The following CCDC57 variants were observed in gnomAD, a reference collection of about 807,000 sequenced individuals.
CCDC57 encodes the protein coiled-coil domain containing 57.
CCDC57 carries 118 observed loss-of-function variants against 118.9 expected under a neutral mutation model. That is an observed-to-expected ratio of 0.99 (90% CI 0.86 to 1.16). The LOEUF is 1.16. CCDC57 is among the 50% of genes most tolerant of loss of function. The pLI, the probability that CCDC57 is intolerant of heterozygous loss-of-function variation, is 0.00. For synonymous variants in CCDC57, 527 were observed against 532.9 expected (o/e 0.99, Z 0.15); for missense variants, 1,300 against 1,320.7 (o/e 0.98, Z 0.24).
chr17:82,157,808 TC>T lies in CCDC57; in HGVS notation c.2180del (p.Gly727GlufsTer60). The T allele has an allele frequency of 1.2e-6, 2 of 1,605,072 alleles. No homozygotes were observed. Among genetic ancestry groups the T allele is most frequent in the South Asian group, 1.1e-5 (1 of 89,198 alleles). On this transcript the variant is annotated frameshift_variant, in exon 15 of 20. Coordinates refer to ENST00000665763, the Ensembl canonical transcript of CCDC57. LOFTEE classifies it high-confidence loss of function. The stretch of plus-strand genomic sequence containing the variant: ...GCTGCTTCCTGCCTGAAGGCTCCGC[TC>T]CCCCGTGCTGGGCTATCCTGAGATG...
At chr17:82,123,964 T>C (rs1320607966) in intron 19 of CCDC57, among the ~76,000 whole-genome samples, 1 of 143,710 alleles carries the variant, frequency 7.0e-6, no homozygotes, top group Non-Finnish European at 1.5e-5. Flanking sequence ...TCCACTATCC[T>C]TGTAAATCAT....
In CCDC57 at chr17:82,184,029, G is replaced by GCACACACACA. The variant is rs1216297514; in HGVS notation, c.1053-98_1053-97insTGTGTGTGTG. On this transcript the variant is annotated intron_variant, in intron 8 of 19. Coordinates refer to ENST00000665763, the Ensembl canonical transcript of CCDC57. ...AGCAAATACACATGCGCGCGCGCGC[G>GCACACACACA]CGCACACACACACACACACACACAC... 420 of 238,710 alleles carry GCACACACACA rather than the reference G, an allele frequency of 1.8e-3. 1 individual carries two copies. Among genetic ancestry groups the GCACACACACA allele is most frequent in the East Asian group, 9.6e-3 (83 of 8,678 alleles). The allele number at this position is 238,710 out of a possible 1,614,324, so 14.8% of individuals were successfully genotyped here.
intron 13 of CCDC57, among the ~76,000 whole-genome samples, chr17:82,167,376 T>C (rs1194160038): frequency 8.8e-6 from 1 of 113,334 alleles, no homozygotes; most frequent in Non-Finnish European, 1.8e-5. Context: ...TTGAGATGGA[T>C]TTTTGCTCTT....
rs946486457 is a variant in CCDC57, at chr17:82,193,981, C to A, written c.776+1G>T. Reference sequence around the variant, plus strand: ...CCTCGGGAGATGAAGGACTCGCGCACCGGGCGCGGCTCATGGCCTCCAGGT... The same window carrying A: ...CCTCGGGAGATGAAGGACTCGCGCAACGGGCGCGGCTCATGGCCTCCAGGT... On this transcript the variant is annotated splice_donor_variant, in intron 6 of 19. Coordinates refer to ENST00000665763, the Ensembl canonical transcript of CCDC57. LOFTEE classifies it high-confidence loss of function. 20 of 1,607,444 alleles carry A rather than the reference C, an allele frequency of 1.2e-5. No individual in the cohort carries two copies. The highest frequency in any genetic ancestry group is 1.7e-5 in the Non-Finnish European group (20 of 1,177,392).
rs575653455 is a variant in CCDC57 at position 82,139,266 on chromosome 17, C to A, written c.2456-5072G>T. Reference sequence around the variant, plus strand: ...AATGTTCCTTCTCAGTTGCATTATTCTTGCTATGAACAGACCTTTCACTTT... The same window carrying A: ...AATGTTCCTTCTCAGTTGCATTATTATTGCTATGAACAGACCTTTCACTTT... On this transcript the variant is annotated intron_variant, in intron 16 of 19. Transcript: ENST00000665763. 6.6e-5 allele frequency among the ~76,000 whole-genome samples: 10 copies of A among 152,342 alleles called. No individual in the cohort carries two copies. The East Asian group carries it at 1.5e-3, about 23-fold the overall frequency.
chr17:82,122,754 G>A (rs760786124), intron 19 of CCDC57, among the ~76,000 whole-genome samples: 56 of 152,164 alleles, frequency 3.7e-4, no homozygotes, highest in Non-Finnish European at 4.4e-4. Context: ...CACGGGCACC[G>A]AGCCCCTTCC....
At chr17:82,140,230 T>C (rs542580445) in intron 16 of CCDC57, among the ~76,000 whole-genome samples, 24 of 151,928 alleles carry the variant, frequency 1.6e-4, no homozygotes, top group Non-Finnish European at 3.4e-4. Flanking sequence ...GGACTACAGA[T>C]GCCCGCCACC....
At chr17:82,158,291 C>G (rs530328808) in intron 14 of CCDC57, among the ~76,000 whole-genome samples, 1 of 152,122 alleles carries the variant, frequency 6.6e-6, no homozygotes, top group Admixed American at 6.5e-5. Flanking sequence ...TGCAAGTAAC[C>G]GGTAGGAGGT....
chr17:82,134,699 CAGA>C lies in CCDC57; in HGVS notation c.2456-508_2456-506del, dbSNP rs535921180. On this transcript the variant is annotated intron_variant, in intron 16 of 19. Transcript: ENST00000665763. ...ATCCCAGCTACTCGGGAGGCTGAGG[CAGA>C]AGAATTGCTTGAACCCGGGAGGCAG... Among the ~76,000 whole-genome samples the C allele has an allele frequency of 3.3e-5, 5 of 152,224 alleles. No homozygotes were observed. In the South Asian group the frequency reaches 1.0e-3, roughly 32 times the overall value.
intron 19 of CCDC57, chr17:82,107,355 G>C (rs965134342): frequency 1.1e-5 from 5 of 438,954 alleles, no homozygotes; most frequent in Admixed American, 9.7e-5. Context: ...ACCCGGGTGG[G>C]GCACAGATGC....
chr17:82,183,907 T>C (rs1167040656), exon 9 of CCDC57: 1 of 1,613,720 alleles, frequency 6.2e-7, no homozygotes, highest in Non-Finnish European at 8.5e-7. Flanking sequence ...CAGGCAGATT[T>C]TACAGTTGAT....
At chr17:82,151,439 C>G in intron 16 of CCDC57, 121 bp downstream of exon 15, 1 of 626,584 alleles carries the variant, frequency 1.6e-6, no homozygotes. Flanking sequence ...TGACCCACAT[C>G]CAGAACCTGG....
exon 19 of CCDC57, chr17:82,127,721 C>A (rs1442375689): frequency 1.2e-6 from 2 of 1,609,560 alleles, no homozygotes; most frequent in Non-Finnish European, 1.7e-6. Flanking sequence ...GGAGGTGACA[C>A]CAGAAGGGCT....
At chr17:82,157,912 G>A (rs751979282) in exon 15 of CCDC57, 34 of 1,562,452 alleles carry the variant, frequency 2.2e-5, no homozygotes, top group South Asian at 2.4e-5. Context: ...GGAAGCTCAC[G>A]CTGGAGAGCG....
chr17:82,174,664 T>C (rs2045238724), intron 11 of CCDC57, among the ~76,000 whole-genome samples: 2 of 152,192 alleles, frequency 1.3e-5, no homozygotes, highest in African/African-American at 4.8e-5. Flanking sequence ...CATAAAGCCT[T>C]GAGTTCGTGT....
At chr17:82,169,747 T>C (rs1005557733) in intron 13 of CCDC57, among the ~76,000 whole-genome samples, 1 of 152,164 alleles carries the variant, frequency 6.6e-6, no homozygotes, top group Non-Finnish European at 1.5e-5. Context: ...AGGTTTCTCA[T>C]TATTGGGAAA....
chr17:82,127,048 G>A (rs2037548206), intron 19 of CCDC57: 2 of 985,408 alleles, frequency 2.0e-6, no homozygotes, highest in Non-Finnish European at 2.4e-6. Flanking sequence ...GTCCTCACAA[G>A]GTGCACCCTT....
At chr17:82,137,672 A>G (rs1045992646) in intron 16 of CCDC57, among the ~76,000 whole-genome samples, 4 of 146,734 alleles carry the variant, frequency 2.7e-5, no homozygotes, top group Non-Finnish European at 6.0e-5. Context: ...CTTTCAGGAG[A>G]CTTTTCTTTT....
rs113289880 is a variant in CCDC57 at position 82,102,839 on chromosome 17, T to TGC, written c.2900-975_2900-974dup. On this transcript the variant is annotated intron_variant, in intron 19 of 19. Transcript: ENST00000665763. ...GGCAGAGGTTGCAGTGAGCCGAGAT[T>TGC]GCGCCACTGCACTCCAGCCTGGGCG... 1.4e-3 allele frequency among the ~76,000 whole-genome samples: 209 copies of TGC among 151,236 alleles called. 1 individual carries two copies. Among genetic ancestry groups the TGC allele is most frequent in the African/African-American group, 4.7e-3 (195 of 41,146 alleles).
Sources: allele counts gnomAD v4.1 joint callset (sites outside exome capture counted in the v4.1 genomes callset), GRCh38; gene constraint gnomAD v4.1.1; transcripts MANE v1.5; gene names NCBI Gene and HGNC (gene_info 2026-07-23, HGNC 2026-07-21).